ENO1: variants seen among roughly 807,000 people sequenced by gnomAD.
ENO1 encodes the protein alpha-enolase.
A neutral mutation model predicts 46.3 loss-of-function variants in ENO1; 33 were observed. That is an observed-to-expected ratio of 0.71 (90% CI 0.54 to 0.95). The LOEUF (loss-of-function observed/expected upper bound fraction) is 0.95, where lower values mean the gene tolerates loss of function less well. Among genes scored for constraint, ENO1 ranks in the 40% least tolerant of loss-of-function variants. The pLI, the probability that ENO1 is intolerant of heterozygous loss-of-function variation, is 0.00. For synonymous variants in ENO1, 220 were observed against 216.0 expected (o/e 1.02, Z -0.16); for missense variants, 488 against 553.3 (o/e 0.88, Z 1.18).
intron 10 of ENO1, 138 bp downstream of exon 10, chr1:8,863,097 C>G: frequency 7.5e-7 from 1 of 1,333,408 alleles, no homozygotes. Flanking sequence ...CTCATGCCCC[C>G]ATTCTGTTCA....
rs11544489 is a variant in ENO1, at chr1:8,863,252, C to G, written c.1159G>C (p.Gly387Arg). 1 of 1,614,132 alleles carries G rather than the reference C, an allele frequency of 6.2e-7. No individual in the cohort carries two copies. The highest frequency in any genetic ancestry group is 8.5e-7 in the Non-Finnish European group (1 of 1,180,012). The change falls in exon 10 of 12, where the codon GGG (glycine) becomes CGG (arginine). Residue 387 changes from glycine (G) to arginine (R), a missense_variant. Physicochemically the swap from Gly to Arg is moderately radical, Grantham distance 125. Transcript: ENST00000234590. ...EDTFIADLVV[G>R]LCTGQIKTGA... is the part of the protein sequence containing the mutation. The stretch of plus-strand genomic sequence containing the variant: ...ATTCTTACCTGCCCAGTGCACAGCC[C>G]CACAACCAGGTCAGCGATGAAGGTA...
At position 8,866,489 on chromosome 1, in the gene ENO1, T is replaced by C. The variant is rs962578612; in HGVS notation, c.457A>G (p.Ile153Val). 1 of 1,614,206 alleles carries C rather than the reference T, an allele frequency of 6.2e-7. No individual in the cohort carries two copies. Among genetic ancestry groups the C allele is most frequent in the Non-Finnish European group, 8.5e-7 (1 of 1,180,046 alleles). Residue 153 changes from isoleucine to valine, a missense_variant, in exon 7 of 12, where the codon ATC becomes GTC. Physicochemically the swap from Ile to Val is conservative, Grantham distance 29 (BLOSUM62 3). Transcript: ENST00000234590. ...TTGCCAGCATGAGAACCGCCATTGATGACATTGAACGCCTGGGGAGAGCAG... is the reference window on the plus strand; with the variant it reads ...TTGCCAGCATGAGAACCGCCATTGACGACATTGAACGCCTGGGGAGAGCAG... ...VILPVPAFNV[I>V]NGGSHAGNKL... is the part of the protein sequence containing the mutation.
rs906191457 is a variant in ENO1, at chr1:8,861,385, T to C, written c.1280A>G (p.Asn427Ser). The part of the protein sequence containing the change: ...LGSKAKFAGR[N>S]FRNPLAK ...TTACTTGGCCAAGGGGTTTCTGAAG[T>C]TCCTGCCGGCAAACTTAGCCTTGCT... The change falls in exon 12 of 12, where the codon AAC becomes AGC. Residue 427 changes from asparagine to serine, a missense_variant. Coordinates refer to ENST00000234590, the MANE Select transcript of ENO1 (RefSeq NM_001428.5). 3 of 1,613,876 alleles carry C rather than the reference T, an allele frequency of 1.9e-6. No individual in the cohort carries two copies. In the African/African-American group the frequency reaches 4.0e-5, roughly 22 times the overall value.
intron 2 of ENO1, among the ~76,000 whole-genome samples, chr1:8,873,078 T>C (rs1451366599): frequency 1.3e-5 from 2 of 152,236 alleles, no homozygotes; most frequent in Non-Finnish European, 2.9e-5. Context: ...CAGGTCATAC[T>C]TCCTTCTTGA....
At chr1:8,861,614 G>C (rs1380334763) in intron 11 of ENO1, among the ~76,000 whole-genome samples, 185 bp from the exon 12 acceptor site, 1 of 151,998 alleles carries the variant, frequency 6.6e-6, no homozygotes, top group Non-Finnish European at 1.5e-5. Context: ...TGAGAAGCCA[G>C]ATATAGAAAA....
intron 1 of ENO1, among the ~76,000 whole-genome samples, chr1:8,876,810 A>C (rs1057277626): frequency 1.9e-4 from 29 of 151,648 alleles, no homozygotes; most frequent in Admixed American, 5.9e-4. Context: ...AAAAAAAAAA[A>C]GACAAACGTC....
intron 4 of ENO1, among the ~76,000 whole-genome samples, chr1:8,869,770 G>T (rs1308936704): frequency 6.6e-6 from 1 of 152,168 alleles, no homozygotes; most frequent in Non-Finnish European, 1.5e-5. Flanking sequence ...ATGTTGGCTA[G>T]ACTGGTCTCC....
At chr1:8,862,592 T>C (rs543196611) in intron 11 of ENO1, among the ~76,000 whole-genome samples, 6 of 152,282 alleles carry the variant, frequency 3.9e-5, no homozygotes, top group African/African-American at 1.4e-4. Context: ...CTGAAAGCTC[T>C]AAGAAAGTCA....
chr1:8,861,120 G>A lies in ENO1; in HGVS notation c.*240C>T, dbSNP rs1642393076. On this transcript the variant is annotated 3_prime_UTR_variant, in exon 12 of 12. Coordinates refer to ENST00000234590, the MANE Select transcript of ENO1 (RefSeq NM_001428.5). Reference sequence around the variant, plus strand: ...CTCTAGACACTTGGTGGAAAGTGAGGCGAGAAAAACAATGACTTGGGCCAA... The same window carrying A: ...CTCTAGACACTTGGTGGAAAGTGAGACGAGAAAAACAATGACTTGGGCCAA... 6.1e-6 allele frequency: 3 copies of A among 492,840 alleles called. No homozygotes were observed. The highest frequency in any genetic ancestry group is 5.5e-4 in the Middle Eastern group (1 of 1,828). 30.5% of individuals were successfully genotyped at this position (492,840 alleles called of 1,614,324 possible). A position where few individuals can be genotyped will look rare whatever the true frequency, so the allele number is the denominator to read the frequency against.
intron 2 of ENO1, among the ~76,000 whole-genome samples, chr1:8,873,413 A>C (rs894492098): frequency 6.6e-6 from 1 of 152,242 alleles, no homozygotes; most frequent in Admixed American, 6.5e-5. Context: ...ATTAAGACAC[A>C]CAAGAGAAAG....
intron 5 of ENO1, among the ~76,000 whole-genome samples, chr1:8,867,564 CTTTTTTTTT>C (rs1365491937): frequency 6.8e-6 from 1 of 148,032 alleles, no homozygotes; most frequent in Admixed American, 6.7e-5. Context: ...TTTTTTTTTT[CTTTTTTTTT>C]GAGACAGAGT....
chr1:8,865,518 G>A lies in ENO1; in HGVS notation c.668-36C>T, dbSNP rs371610019. On this transcript the variant is annotated intron_variant, in intron 7 of 11. Transcript: ENST00000234590. ...ATGGTGACAACAGGTTTGGAAAACA[G>A]GTAGGTACAGAGAAAACTTCCCTTC... 8.1e-6 allele frequency: 13 copies of A among 1,606,534 alleles called. 1 individual carries two copies. In the South Asian group the frequency reaches 1.4e-4, roughly 18 times the overall value.
chr1:8,874,577 C>CA (rs140269736), intron 2 of ENO1, among the ~76,000 whole-genome samples: 13,700 of 51,586 alleles, frequency 0.27, 2,785 homozygotes, highest in East Asian at 0.59. Context: ...GACTCCATCT[C>CA]AAAAAAAAAA....
chr1:8,867,632 T>C (rs1242360116), intron 5 of ENO1, among the ~76,000 whole-genome samples: 10 of 152,126 alleles, frequency 6.6e-5, no homozygotes, highest in Non-Finnish European at 1.5e-4. Context: ...CTTGGCTTAC[T>C]GCAAGCTCCG....
intron 3 of ENO1, 91 bp from the exon 4 acceptor site, chr1:8,870,601 C>A: frequency 6.3e-7 from 1 of 1,577,146 alleles, no homozygotes; most frequent in Non-Finnish European, 8.6e-7. Context: ...GAGGCCGACG[C>A]GGAAGCCCAC....
chr1:8,863,967 C>T lies in ENO1; in HGVS notation c.991G>A (p.Ala331Thr). ...CAGTTGCAGGACTTCTCGTTCACGG[C>T]CTTGGCGATCCTCTTTGGGTTGGTC... Reference protein sequence around the residue: ...TVTNPKRIAKAVNEKSCNCLL... With the variant: ...TVTNPKRIAKTVNEKSCNCLL... Residue 331 changes from alanine (A) to threonine (T), a missense_variant, in exon 9 of 12, where the codon GCC (alanine) becomes ACC (threonine). Transcript: ENST00000234590. 1 of 1,614,184 alleles carries T rather than the reference C, an allele frequency of 6.2e-7. No homozygotes were observed. Among genetic ancestry groups the T allele is most frequent in the Non-Finnish European group, 8.5e-7 (1 of 1,180,042 alleles).
At chr1:8,865,816 C>A (rs1457964015) in intron 7 of ENO1, among the ~76,000 whole-genome samples, 1 of 152,074 alleles carries the variant, frequency 6.6e-6, no homozygotes, top group Non-Finnish European at 1.5e-5. Context: ...AGGCACAGGC[C>A]TTAAATAGAG....
chr1:8,869,299 A>C (rs1642583664), intron 4 of ENO1, among the ~76,000 whole-genome samples: 1 of 150,472 alleles, frequency 6.6e-6, no homozygotes, highest in African/African-American at 2.5e-5. Context: ...ACAGAGAACA[A>C]GGTATGTGTG....
chr1:8,861,956 A>G (rs939058950), intron 11 of ENO1, among the ~76,000 whole-genome samples: 8 of 150,836 alleles, frequency 5.3e-5, no homozygotes, highest in Non-Finnish European at 8.8e-5. Context: ...GGTCAGCTTG[A>G]CCAATATGGT....
Sources: gnomAD v4.1 joint callset for allele counts (sites outside exome capture counted in the v4.1 genomes callset) on GRCh38, gnomAD v4.1.1 for gene constraint, MANE v1.5 for transcripts, NCBI Gene and HGNC (gene_info 2026-07-23, HGNC 2026-07-21) for gene names.